The following CCDC190 variants were observed in gnomAD, a reference collection of about 807,000 sequenced individuals.
CCDC190 encodes the protein coiled-coil domain containing 190.
Under a neutral mutation model 13.1 loss-of-function variants are expected in CCDC190, and 10 were observed. The observed-to-expected ratio is 0.77, with a 90% confidence interval of 0.47 to 1.30. CCDC190 has a LOEUF of 1.30. Among genes scored for constraint, CCDC190 ranks in the 50% most tolerant of loss-of-function variants. The pLI is 0.00. For synonymous variants in CCDC190, 136 were observed against 127.2 expected (o/e 1.07, Z -0.47); for missense variants, 375 against 354.3 (o/e 1.06, Z -0.47).
intron 2 of CCDC190, among the ~76,000 whole-genome samples, chr1:162,856,844 T>A (rs913954260): frequency 2.0e-5 from 3 of 152,152 alleles, no homozygotes; most frequent in Non-Finnish European, 2.9e-5. Context: ...GTTGTCTCCT[T>A]GGGGTCTTTT....
chr1:162,862,031 T>A (rs1277648142), upstream of CCDC190, among the ~76,000 whole-genome samples: 3 of 152,080 alleles, frequency 2.0e-5, no homozygotes, highest in Non-Finnish European at 2.9e-5. Flanking sequence ...TTTCCCATCC[T>A]TTCTCATGAG....
chr1:162,860,177 G>T (rs1361486048), intron 1 of CCDC190, among the ~76,000 whole-genome samples: 1 of 152,172 alleles, frequency 6.6e-6, no homozygotes, highest in Non-Finnish European at 1.5e-5. Flanking sequence ...CTGTATGCCA[G>T]GTGCTATGCT....
At chr1:162,861,944 T>C (rs1248189146), upstream of CCDC190, among the ~76,000 whole-genome samples, 1 of 151,632 alleles carries the variant, frequency 6.6e-6, no homozygotes, top group African/African-American at 2.4e-5. Flanking sequence ...GCCCAGCAAA[T>C]AAATAATTAT....
At position 162,859,598 on chromosome 1, in the gene CCDC190, C is replaced by G; in HGVS notation, c.49G>C (p.Glu17Gln). The G allele has an allele frequency of 1.2e-6, 2 of 1,613,902 alleles. No homozygotes were observed. Among genetic ancestry groups the G allele is most frequent in the East Asian group, 2.2e-5 (1 of 44,878 alleles). The change falls in exon 2 of 4, where the codon GAG becomes CAG. Residue 17 changes from glutamate to glutamine, a missense_variant. Coordinates refer to ENST00000367912, the MANE Select transcript of CCDC190 (RefSeq NM_001394065.1). ...RGQLYKHFDL[E>Q]RKNAKQAEAR... ...TCAGCCTGCTTGGCATTCTTCCTCT[C>G]CAAATCAAAATGCTTATACAATTGT...
At chr1:162,862,711 T>C (rs1650563419), upstream of CCDC190, among the ~76,000 whole-genome samples, 1 of 152,194 alleles carries the variant, frequency 6.6e-6, no homozygotes, top group African/African-American at 2.4e-5. Context: ...GCATCACAAA[T>C]GTGGCAGTTA....
rs375267998 is a variant in CCDC190, at chr1:162,861,040, G to A, written c.-45C>T. The stretch of plus-strand genomic sequence containing the variant: ...TCCAGAGTTTTCACCATGAGACTAT[G>A]TCTTGTTTCTTTTGCTATGTCAGAC... On this transcript the variant is annotated 5_prime_UTR_variant, in exon 1 of 4. Coordinates refer to ENST00000367912, the MANE Select transcript of CCDC190 (RefSeq NM_001394065.1). 15 of 984,364 alleles carry A rather than the reference G, an allele frequency of 1.5e-5. No individual in the cohort carries two copies. The East Asian group carries it at 1.7e-3, about 112-fold the overall frequency. The allele number at this position is 984,364 out of a possible 1,614,324, so 61.0% of individuals were successfully genotyped here.
In CCDC190 at chr1:162,854,556, C is replaced by T; in HGVS notation, c.*209G>A. ...ATAAACATATCACTTAAAATATTTT[C>T]AGAAGATTCATTCTTCCTCTCCTTT... On this transcript the variant is annotated 3_prime_UTR_variant, in exon 4 of 4. Coordinates refer to ENST00000367912, the MANE Select transcript of CCDC190 (RefSeq NM_001394065.1). The T allele has an allele frequency of 7.4e-7, 1 of 1,347,170 alleles. No homozygotes were observed. The highest frequency in any genetic ancestry group is 9.5e-7 in the Non-Finnish European group (1 of 1,051,866). 83.5% of individuals were successfully genotyped at this position (1,347,170 alleles called of 1,614,324 possible).
In CCDC190 at chr1:162,854,838, T is replaced by G. The variant is rs1180531565; in HGVS notation, c.833A>C (p.His278Pro). Reference protein sequence around the residue: ...RLLSIGEIFGHGESSSSRAGK... With the variant: ...RLLSIGEIFGPGESSSSRAGK... ...TGCCCTGGATGATGAGGATTCCCCA[T>G]GCCCAAATATCTCTCCAATGCTAAG... The change falls in exon 4 of 4, where the codon CAT (histidine) becomes CCT (proline). Residue 278 changes from histidine to proline, a missense_variant. Transcript: ENST00000367912. 1.9e-6 allele frequency: 3 copies of G among 1,614,012 alleles called. No individual in the cohort carries two copies. The highest frequency in any genetic ancestry group is 2.5e-6 in the Non-Finnish European group (3 of 1,179,874).
upstream of CCDC190, among the ~76,000 whole-genome samples, chr1:162,862,228 T>C (rs1294783736): frequency 6.6e-6 from 1 of 152,042 alleles, no homozygotes; most frequent in Non-Finnish European, 1.5e-5. Flanking sequence ...CTGATGATAG[T>C]GAGGGATTTC....
At position 162,852,924 on chromosome 1, in the gene CCDC190, T is replaced by G. The variant is rs1420322847; in HGVS notation, c.*1841A>C. ...CGTAGAAGACAAGAAGAAAGAACTT[T>G]TAGGAAAGAGCTTGCGCAGTTTACA... On this transcript the variant is annotated 3_prime_UTR_variant, in exon 4 of 4. Coordinates refer to ENST00000367912, the MANE Select transcript of CCDC190 (RefSeq NM_001394065.1). The G allele has an allele frequency of 8.6e-6, 5 of 579,908 alleles. No individual in the cohort carries two copies. The African/African-American group carries it at 9.4e-5, about 11-fold the overall frequency. 35.9% of individuals were successfully genotyped at this position (579,908 alleles called of 1,614,324 possible). A position where few individuals can be genotyped will look rare whatever the true frequency, so the allele number is the denominator to read the frequency against.
chr1:162,855,193 C>T lies in CCDC190; in HGVS notation c.478G>A (p.Asp160Asn). ...IKEQPQAQEK[D>N]SVNPSKDVDP... is the part of the protein sequence containing the mutation. ...ACGTCCTTAGATGGATTCACAGAAT[C>T]TTTCTCTTGGGCTTGTGGTTGCTCT... Residue 160 changes from aspartate to asparagine, a missense_variant, in exon 4 of 4, where the codon GAT (aspartate) becomes AAT (asparagine). Asp to Asn is a conservative substitution (Grantham distance 23, BLOSUM62 1). Transcript: ENST00000367912. 1 of 1,613,970 alleles carries T rather than the reference C, an allele frequency of 6.2e-7. No individual in the cohort carries two copies. Among genetic ancestry groups the T allele is most frequent in the Non-Finnish European group, 8.5e-7 (1 of 1,179,868 alleles).
rs757083415 is a variant in CCDC190, at chr1:162,854,734, G to T, written c.*31C>A. 4 of 1,562,770 alleles carry T rather than the reference G, an allele frequency of 2.6e-6. No individual in the cohort carries two copies. The Admixed American group carries it at 7.4e-5, about 29-fold the overall frequency. On this transcript the variant is annotated 3_prime_UTR_variant, in exon 4 of 4. Transcript: ENST00000367912. ...GGAACACATTTCCTTAGCAATAATG[G>T]CATATGTTATTGTCAGGCTATGTTA... is the stretch of plus-strand genomic sequence containing the variant.
intron 2 of CCDC190, among the ~76,000 whole-genome samples, chr1:162,856,322 T>G (rs1650301463): frequency 6.6e-6 from 1 of 152,228 alleles, no homozygotes; most frequent in African/African-American, 2.4e-5. Flanking sequence ...TTTCCAGTGT[T>G]TGCGTAGTAT....
chr1:162,865,950 C>G (rs968639008), upstream of CCDC190, among the ~76,000 whole-genome samples: 1 of 152,086 alleles, frequency 6.6e-6, no homozygotes, highest in South Asian at 2.1e-4. Flanking sequence ...TGTCTTTATT[C>G]ACAGATGACA....
chr1:162,857,102 T>TA (rs1202630426), intron 2 of CCDC190, among the ~76,000 whole-genome samples: 1 of 152,186 alleles, frequency 6.6e-6, no homozygotes, highest in Non-Finnish European at 1.5e-5. Context: ...TGCCAGGTAA[T>TA]ATACTTTTGA....
At chr1:162,867,071 A>G (rs564290649) in intron 1 of CCDC190, among the ~76,000 whole-genome samples, 2 of 152,208 alleles carry the variant, frequency 1.3e-5, no homozygotes, top group South Asian at 4.1e-4. Flanking sequence ...AAAAAGACCA[A>G]ACTATAAAAG....
rs1014509642 is a variant in CCDC190, at chr1:162,851,122, G to A, written c.*3643C>T. Among the ~76,000 whole-genome samples the A allele has an allele frequency of 1.3e-5, 2 of 151,934 alleles. No homozygotes were observed. The highest frequency in any genetic ancestry group is 2.4e-5 in the African/African-American group (1 of 41,358). On this transcript the variant is annotated 3_prime_UTR_variant, in exon 4 of 4. Transcript: ENST00000367912. ...AGTTTAAAGTCTTTCTTCTCCACCC[G>A]TGGAACTTCTGTTCTACTGCAGTGG...
At chr1:162,863,742 C>T (rs1393033205), upstream of CCDC190, among the ~76,000 whole-genome samples, 2 of 152,218 alleles carry the variant, frequency 1.3e-5, no homozygotes, top group African/African-American at 2.4e-5. Context: ...TCAATGAGGC[C>T]GGGCGCAGTG....
intron 3 of CCDC190, 47 bp from the exon 4 acceptor site, chr1:162,855,406 C>T (rs779068988): frequency 1.8e-5 from 28 of 1,543,028 alleles, no homozygotes; most frequent in Non-Finnish European, 2.2e-5. Flanking sequence ...AATAAAAAGG[C>T]TCTTCTTTAG....
Sources: gnomAD v4.1 joint callset for allele counts (sites outside exome capture counted in the v4.1 genomes callset) on GRCh38, gnomAD v4.1.1 for gene constraint, MANE v1.5 for transcripts, NCBI Gene and HGNC (gene_info 2026-07-23, HGNC 2026-07-21) for gene names.